The following SLC4A4 variants were observed in gnomAD, a reference collection of about 807,000 sequenced individuals.
SLC4A4 encodes the protein electrogenic sodium bicarbonate cotransporter 1.
In SLC4A4, 27 loss-of-function variants were observed where a neutral mutation model predicts 111.5. That is an observed-to-expected ratio of 0.24 (90% CI 0.18 to 0.33). The LOEUF is 0.33. SLC4A4 is among the 10% of genes least tolerant of loss of function. SLC4A4 has a pLI of 1.00. For missense variants in SLC4A4, 909 were observed against 1,315.5 expected (o/e 0.69, Z 4.78); for synonymous variants, 443 against 463.4 (o/e 0.96, Z 0.57).
At chr4:71,511,476 G>T (rs1731912056) in intron 16 of SLC4A4, among the ~76,000 whole-genome samples, 1 of 151,658 alleles carries the variant, frequency 6.6e-6, no homozygotes, top group Admixed American at 6.6e-5. Context: ...GTATTTATTA[G>T]AATGTAAATA....
intron 3 of SLC4A4, among the ~76,000 whole-genome samples, chr4:71,303,845 T>A (rs191800751): frequency 6.6e-6 from 1 of 151,730 alleles, no homozygotes; most frequent in East Asian, 2.0e-4. Context: ...ATTTAAGTAC[T>A]TGCAATAAAA....
At position 71,466,573 on chromosome 4, in the gene SLC4A4, A is replaced by G; in HGVS notation, c.1627A>G (p.Ser543Gly). 4 of 1,613,340 alleles carry G rather than the reference A, an allele frequency of 2.5e-6. No homozygotes were observed. Among genetic ancestry groups the G allele is most frequent in the Non-Finnish European group, 3.4e-6 (4 of 1,179,512 alleles). ...TTTTGAGAGGCTTCTATTTAATTTC[A>G]GCAAGTATGTACATACATATTTAAT... ...LVFERLLFNFSKDNNFDYLEF... is the reference protein window; with the variant it reads ...LVFERLLFNFGKDNNFDYLEF... The change falls in exon 13 of 26, where the codon AGC (serine) becomes GGC (glycine). Residue 543 changes from serine (S) to glycine (G), a missense_variant. Coordinates refer to ENST00000264485, the MANE Select transcript of SLC4A4 (RefSeq NM_001098484.3).
In SLC4A4 at chr4:71,500,748, C is replaced by A. The variant is rs75390493; in HGVS notation, c.2166+3056C>A. Among the ~76,000 whole-genome samples the A allele has an allele frequency of 7.3e-3, 1,109 of 152,270 alleles. 11 individuals carry two copies. The highest frequency in any genetic ancestry group is 0.024 in the African/African-American group (1,009 of 41,544). ...GATTGCTGTTACCCCATTGTGTGTT[C>A]TTGGCATCTTTGTTGAAAATCAGTT... On this transcript the variant is annotated intron_variant, in intron 16 of 25. Transcript: ENST00000264485.
chr4:71,470,371 G>T (rs1727754911), intron 13 of SLC4A4, among the ~76,000 whole-genome samples: 1 of 151,970 alleles, frequency 6.6e-6, no homozygotes, highest in Admixed American at 6.6e-5. Context: ...ATTTCAATTT[G>T]CATGATTAGA....
chr4:71,560,421 T>C (rs529243191), intron 23 of SLC4A4, among the ~76,000 whole-genome samples, 167 bp downstream of exon 23: 1 of 151,926 alleles, frequency 6.6e-6, no homozygotes, highest in East Asian at 1.9e-4. Flanking sequence ...ATTCTCTGGT[T>C]TTTTATGTTT....
intron 7 of SLC4A4, among the ~76,000 whole-genome samples, chr4:71,402,915 C>T (rs184367195): frequency 2.0e-5 from 3 of 152,282 alleles, no homozygotes; most frequent in African/African-American, 7.2e-5. Flanking sequence ...CTTCCTTTTC[C>T]CATTCTATGC....
At chr4:71,423,361 A>C (rs1357746921) in intron 7 of SLC4A4, among the ~76,000 whole-genome samples, 1 of 152,234 alleles carries the variant, frequency 6.6e-6, no homozygotes, top group African/African-American at 2.4e-5. Flanking sequence ...ATGGAAGAAC[A>C]TTCCATGCTC....
intron 3 of SLC4A4, among the ~76,000 whole-genome samples, chr4:71,258,766 T>C (rs1721639919): frequency 6.6e-6 from 1 of 152,236 alleles, no homozygotes; most frequent in African/African-American, 2.4e-5. Context: ...TCGCTTTTAA[T>C]TATCCCACTT....
intron 7 of SLC4A4, among the ~76,000 whole-genome samples, chr4:71,430,495 C>T (rs1280843376): frequency 6.6e-6 from 1 of 152,130 alleles, no homozygotes; most frequent in Non-Finnish European, 1.5e-5. Flanking sequence ...ATTTAACCTG[C>T]TGTTCCTCAC....
chr4:71,166,893 G>A (rs1744791514), intron 2 of SLC4A4, among the ~76,000 whole-genome samples: 1 of 152,114 alleles, frequency 6.6e-6, no homozygotes, highest in East Asian at 1.9e-4. Flanking sequence ...AACTGTACAG[G>A]CAGATAGGAT....
At position 71,101,299 on chromosome 4, in the gene SLC4A4, A is replaced by C. The variant is rs543324983; in HGVS notation, c.-2+8507A>C. 2.6e-5 allele frequency among the ~76,000 whole-genome samples: 4 copies of C among 152,304 alleles called. No homozygotes were observed. In the East Asian group the frequency reaches 7.7e-4, roughly 29 times the overall value. The stretch of plus-strand genomic sequence containing the variant: ...CAAAAAAAATTCCATGCTCATTAAT[A>C]AGAATCTTAAAATCATAAAAATGAT... On this transcript the variant is annotated intron_variant, in intron 2 of 26. Coordinates refer to the SLC4A4 transcript ENST00000649996.
intron 3 of SLC4A4, among the ~76,000 whole-genome samples, chr4:71,259,369 G>T (rs550046186): frequency 4.8e-4 from 73 of 152,144 alleles, no homozygotes; most frequent in African/African-American, 1.6e-3. Context: ...ATCCCCCTCT[G>T]AGCTCAGCAG....
At chr4:71,077,078 A>G (rs1741853267) in intron 1 of SLC4A4, among the ~76,000 whole-genome samples, 1 of 144,816 alleles carries the variant, frequency 6.9e-6, no homozygotes, top group Admixed American at 6.9e-5. Flanking sequence ...TAATATATAC[A>G]TAAATATATA....
intron 16 of SLC4A4, among the ~76,000 whole-genome samples, chr4:71,502,315 A>G (rs1731026958): frequency 6.6e-6 from 1 of 151,972 alleles, no homozygotes; most frequent in Non-Finnish European, 1.5e-5. Context: ...AATTTTTTTA[A>G]CTTGTCTTAG....
At chr4:71,419,993 G>A (rs1722260713) in intron 7 of SLC4A4, among the ~76,000 whole-genome samples, 1 of 152,252 alleles carries the variant, frequency 6.6e-6, no homozygotes, top group Non-Finnish European at 1.5e-5. Context: ...GACGGAGAAT[G>A]ACTTTGACGA....
chr4:71,451,825 A>T (rs1295699426), intron 11 of SLC4A4, among the ~76,000 whole-genome samples: 2 of 152,130 alleles, frequency 1.3e-5, no homozygotes, highest in Non-Finnish European at 2.9e-5. Flanking sequence ...GGACTGACAG[A>T]TGTACCAGCC....
At chr4:71,462,826 T>C (rs1022533763) in intron 12 of SLC4A4, among the ~76,000 whole-genome samples, 4 of 152,162 alleles carry the variant, frequency 2.6e-5, no homozygotes, top group African/African-American at 9.7e-5. Flanking sequence ...ATGTGCATAC[T>C]AACTCCAGGA....
intron 2 of SLC4A4, among the ~76,000 whole-genome samples, chr4:71,155,577 C>A (rs1043580340): frequency 3.9e-5 from 6 of 152,262 alleles, no homozygotes; most frequent in South Asian, 2.1e-4. Flanking sequence ...CTTCTCCCCC[C>A]ACAGCTTCCT....
At chr4:71,334,479 A>T (rs1174380952) in intron 3 of SLC4A4, among the ~76,000 whole-genome samples, 6 of 152,100 alleles carry the variant, frequency 3.9e-5, no homozygotes, top group Non-Finnish European at 8.8e-5. Context: ...GAGTTGGGGG[A>T]GAGGTGGTGC....
Sources: gnomAD v4.1 joint callset for allele counts (sites outside exome capture counted in the v4.1 genomes callset) on GRCh38, gnomAD v4.1.1 for gene constraint, MANE v1.5 for transcripts, NCBI Gene and HGNC (gene_info 2026-07-23, HGNC 2026-07-21) for gene names.